Variants in NRBF2 observed in about 807,000 individuals in gnomAD.
NRBF2 encodes nuclear receptor binding factor 2.
Under a neutral mutation model 28.5 loss-of-function variants are expected in NRBF2, and 12 were observed. The ratio of observed to expected loss-of-function variants is 0.42; its 90% CI spans 0.27 to 0.68. The LOEUF is 0.68. NRBF2 is among the 30% of genes least tolerant of loss of function. NRBF2 has a pLI of 0.24. For synonymous variants in NRBF2, 102 were observed against 116.5 expected, an observed-to-expected ratio of 0.88 and a Z score of 0.80; for missense variants, 274 against 333.5, an observed-to-expected ratio of 0.82 and a Z score of 1.39.
At chr10:63,150,994 A>C (rs1306434534) in intron 2 of NRBF2, among the ~76,000 whole-genome samples, 2 of 152,192 alleles carry the variant, frequency 1.3e-5, no homozygotes, top group Non-Finnish European at 2.9e-5. Context: ...ATGAAACTTC[A>C]CTGGCTTGCC....
intron 1 of NRBF2, among the ~76,000 whole-genome samples, chr10:63,141,368 T>C (rs561790533): frequency 6.6e-6 from 1 of 152,108 alleles, no homozygotes; most frequent in African/African-American, 2.4e-5. Context: ...CCCAGGATAT[T>C]GAGGCTGCAG....
Position 63,146,210 on chromosome 10 carries a change from C to T in NRBF2, c.32C>T (p.Ala11Val). 1.2e-6 allele frequency: 2 copies of T among 1,610,832 alleles called. No homozygotes were observed. Among genetic ancestry groups the T allele is most frequent in the Non-Finnish European group, 1.7e-6 (2 of 1,178,850 alleles). The change falls in exon 2 of 4, where the codon GCT becomes GTT. Residue 11 changes from alanine (A) to valine (V), a missense_variant and splice_region_variant. By Grantham distance (64) the Ala-to-Val change is moderately conservative (BLOSUM62 0). Coordinates refer to ENST00000277746, the MANE Select transcript of NRBF2 (RefSeq NM_030759.5). ...AACTTAGGGATGTTTGTCTTCTAGGCTCATCAACAGAGCAGACGAGCAGAC... is the reference window on the plus strand; with the variant it reads ...AACTTAGGGATGTTTGTCTTCTAGGTTCATCAACAGAGCAGACGAGCAGAC... MEVMEGPLNL[A>V]HQQSRRADRL...
intron 1 of NRBF2, among the ~76,000 whole-genome samples, chr10:63,137,406 C>A (rs142504274): frequency 1.3e-5 from 2 of 152,286 alleles, no homozygotes; most frequent in Admixed American, 1.3e-4. Flanking sequence ...ATTTCTAGTT[C>A]TTTGGTTTGT....
chr10:63,142,288 C>T (rs1236369008), intron 1 of NRBF2, among the ~76,000 whole-genome samples: 1 of 150,906 alleles, frequency 6.6e-6, no homozygotes, highest in Non-Finnish European at 1.5e-5. Context: ...TGAATCAGAA[C>T]CTTTGTTTTT....
intron 2 of NRBF2, among the ~76,000 whole-genome samples, chr10:63,149,059 TTGTA>T (rs1454204242): frequency 6.6e-6 from 1 of 152,248 alleles, no homozygotes; most frequent in East Asian, 1.9e-4. Flanking sequence ...TTGCTGCACT[TTGTA>T]TGCGTTGGGA....
At chr10:63,138,483 CAA>C (rs35901425) in intron 1 of NRBF2, among the ~76,000 whole-genome samples, 84 of 111,310 alleles carry the variant, frequency 7.5e-4, no homozygotes, top group Admixed American at 7.7e-4. Flanking sequence ...GACCTTGTCG[CAA>C]AAAAAAAAAA....
At chr10:63,133,848 C>T (rs985438427) in intron 1 of NRBF2, among the ~76,000 whole-genome samples, 1 of 152,192 alleles carries the variant, frequency 6.6e-6, no homozygotes, top group African/African-American at 2.4e-5. Context: ...GCACTGAAGC[C>T]GGCCAAGGCA....
chr10:63,145,964 T>C (rs1004283008), intron 1 of NRBF2, among the ~76,000 whole-genome samples: 1 of 152,196 alleles, frequency 6.6e-6, no homozygotes, highest in Admixed American at 6.5e-5. Context: ...CTGAAGGAGT[T>C]AAGTGCCTGG....
intron 2 of NRBF2, 56 bp downstream of exon 2, chr10:63,146,349 G>T: frequency 8.5e-7 from 1 of 1,182,304 alleles, no homozygotes. Flanking sequence ...AGTCACAATA[G>T]TAATAATGTG....
intron 1 of NRBF2, among the ~76,000 whole-genome samples, chr10:63,142,311 G>GTT (rs1026335259): frequency 1.4e-5 from 2 of 143,516 alleles, no homozygotes; most frequent in East Asian, 2.2e-4. Flanking sequence ...TGTTTTTTTT[G>GTT]TTTTTTTTTG....
chr10:63,145,338 T>C (rs905032088), intron 1 of NRBF2, among the ~76,000 whole-genome samples: 7 of 152,106 alleles, frequency 4.6e-5, no homozygotes, highest in Admixed American at 3.3e-4. Context: ...CCTCCCAAAG[T>C]GTTGGGATTA....
chr10:63,133,647 G>C, intron 1 of NRBF2, 147 bp downstream of exon 1: 2 of 667,060 alleles, frequency 3.0e-6, no homozygotes, highest in Non-Finnish European at 5.2e-6. Flanking sequence ...TGCTAGGCAG[G>C]CCCTGGCCCA....
intron 1 of NRBF2, among the ~76,000 whole-genome samples, chr10:63,145,291 G>T (rs1475651461): frequency 2.6e-5 from 4 of 151,904 alleles, no homozygotes; most frequent in Non-Finnish European, 4.4e-5. Context: ...AGCCAGGATG[G>T]TCTCGATCTC....
chr10:63,134,634 T>C (rs1183579802), intron 1 of NRBF2, among the ~76,000 whole-genome samples: 1 of 152,144 alleles, frequency 6.6e-6, no homozygotes, highest in African/African-American at 2.4e-5. Flanking sequence ...AGTAAATAGG[T>C]GTAAAGCACT....
At chr10:63,144,954 A>G (rs1841536099) in intron 1 of NRBF2, among the ~76,000 whole-genome samples, 1 of 152,120 alleles carries the variant, frequency 6.6e-6, no homozygotes, top group South Asian at 2.1e-4. Flanking sequence ...TTAGCTGATT[A>G]TCTCTGCCTT....
chr10:63,141,584 G>A (rs1313707480), intron 1 of NRBF2, among the ~76,000 whole-genome samples: 8 of 152,118 alleles, frequency 5.3e-5, no homozygotes, highest in Non-Finnish European at 1.2e-4. Flanking sequence ...CCAGTACCAG[G>A]CACCATTCTA....
At chr10:63,149,509 A>G (rs928318902) in intron 2 of NRBF2, among the ~76,000 whole-genome samples, 1 of 151,756 alleles carries the variant, frequency 6.6e-6, no homozygotes, top group Admixed American at 6.6e-5. Context: ...TTTTTGAGAT[A>G]CTCTGTTTCT....
intron 2 of NRBF2, 118 bp from the exon 3 acceptor site, chr10:63,152,032 G>GT: frequency 1.6e-6 from 1 of 618,234 alleles, no homozygotes; most frequent in East Asian, 3.1e-5. Context: ...ATCCCCAATT[G>GT]TATCAGAGTT....
At chr10:63,148,242 G>GA (rs1841594738) in intron 2 of NRBF2, among the ~76,000 whole-genome samples, 1 of 152,184 alleles carries the variant, frequency 6.6e-6, no homozygotes, top group African/African-American at 2.4e-5. Context: ...CCCCACTCCA[G>GA]AAAAATACGG....
Sources: allele counts gnomAD v4.1 joint callset (sites outside exome capture counted in the v4.1 genomes callset), GRCh38; gene constraint gnomAD v4.1.1; transcripts MANE v1.5; gene names NCBI Gene and HGNC (gene_info 2026-07-23, HGNC 2026-07-21).